SSBP3: variants seen among roughly 807,000 people sequenced by gnomAD.
The protein encoded by SSBP3 is single stranded DNA binding protein 3, also known as single-stranded DNA-binding protein 3.
SSBP3 carries 5 observed loss-of-function variants against 69.6 expected under a neutral mutation model. The observed-to-expected ratio is 0.07, with a 90% CI of 0.04 to 0.15. The LOEUF is 0.15. SSBP3 is among the 10% of genes least tolerant of loss of function. The probability of loss-of-function intolerance (pLI) is 1.00; values close to 1 mark genes in which losing one functional copy is unlikely to be tolerated. For missense variants in SSBP3, 312 were observed against 534.0 expected, an observed-to-expected ratio of 0.58 and a Z score of 4.10; for synonymous variants, 196 against 193.4, an observed-to-expected ratio of 1.01 and a Z score of -0.11.
intron 4 of SSBP3, chr1:54,287,152 C>T (rs1645506048): frequency 6.6e-6 from 1 of 152,226 alleles, no homozygotes; most frequent in Non-Finnish European, 1.5e-5. Context: ...AAAATTAGTT[C>T]TAGGCACAGG....
chr1:54,346,671 C>A (rs1054710538), intron 4 of SSBP3, among the ~76,000 whole-genome samples: 1 of 151,862 alleles, frequency 6.6e-6, no homozygotes, highest in Admixed American at 6.6e-5. Context: ...AAAAATTGGC[C>A]GGGCATGGTC....
exon 13 of SSBP3, chr1:54,240,933 T>C: frequency 1.2e-6 from 2 of 1,611,768 alleles, no homozygotes; most frequent in Non-Finnish European, 8.5e-7. Context: ...TGGGTGTTCC[T>C]GGAGGACCGC....
chr1:54,405,524 G>C (rs1191834445), intron 1 of SSBP3: 1 of 153,384 alleles, frequency 6.5e-6, no homozygotes, highest in African/African-American at 2.4e-5. Flanking sequence ...TCCTCACGCC[G>C]CGGGCGGACA....
At chr1:54,318,796 A>C (rs2100354591) in intron 4 of SSBP3, among the ~76,000 whole-genome samples, 1 of 152,236 alleles carries the variant, frequency 6.6e-6, no homozygotes, top group East Asian at 1.9e-4. Flanking sequence ...AAGATATTCC[A>C]GACTATTATA....
intron 4 of SSBP3, among the ~76,000 whole-genome samples, chr1:54,307,754 C>T (rs1481557834): frequency 6.6e-6 from 1 of 152,190 alleles, no homozygotes; most frequent in Non-Finnish European, 1.5e-5. Context: ...GTCCTCACTG[C>T]TACACTCCCA....
At chr1:54,334,368 A>C (rs187078178) in intron 4 of SSBP3, among the ~76,000 whole-genome samples, 1 of 152,100 alleles carries the variant, frequency 6.6e-6, no homozygotes, top group East Asian at 1.9e-4. Context: ...TAAATAAATA[A>C]ATAAATTTCA....
chr1:54,240,630 A>T (rs1322760331), intron 13 of SSBP3, among the ~76,000 whole-genome samples: 1 of 152,050 alleles, frequency 6.6e-6, no homozygotes, highest in Non-Finnish European at 1.5e-5. Flanking sequence ...CCCACCCTGA[A>T]CAGGGTTCTT....
At chr1:54,308,600 CA>C (rs397862361) in intron 4 of SSBP3, among the ~76,000 whole-genome samples, 22,102 of 100,976 alleles carry the variant, frequency 0.22, 2,176 homozygotes, top group East Asian at 0.39. Flanking sequence ...GACTCCATCT[CA>C]AAAAAAAAAA....
chr1:54,291,117 G>A (rs778808309), intron 4 of SSBP3, among the ~76,000 whole-genome samples: 7 of 152,100 alleles, frequency 4.6e-5, no homozygotes, highest in Admixed American at 1.3e-4. Context: ...TGCCAGGACC[G>A]AGGTGTGCAG....
Position 54,332,795 on chromosome 1 carries a change from G to A in SSBP3, c.277-51268C>T, listed in dbSNP as rs142647463. Among the ~76,000 whole-genome samples, 1,256 of 152,146 alleles carry A rather than the reference G, an allele frequency of 8.3e-3. 24 individuals are homozygous for A. The highest frequency in any genetic ancestry group is 0.029 in the African/African-American group (1,185 of 41,492). ...ACAGCCAAAGCTGCCACTCAACAAG[G>A]GCCCTGAGAGGGCGTCAAGCGCATC... On this transcript the variant is annotated intron_variant, in intron 4 of 17. Transcript: ENST00000610401.
intron 4 of SSBP3, among the ~76,000 whole-genome samples, chr1:54,389,120 A>G (rs1232215114): frequency 6.6e-6 from 1 of 152,112 alleles, no homozygotes; most frequent in East Asian, 1.9e-4. Context: ...TGTTCTACCA[A>G]CCTGGTGTGC....
rs553493845 is a variant in SSBP3, at chr1:54,295,559, C to G, written c.277-14032G>C. The stretch of plus-strand genomic sequence containing the variant: ...GGGCAGGAGCTCCAGCTCTTGGGCT[C>G]CCTGACCAATTCAGAGAGGCAGGCA... On this transcript the variant is annotated intron_variant, in intron 4 of 17. Transcript: ENST00000610401. 1.4e-3 allele frequency among the ~76,000 whole-genome samples: 218 copies of G among 152,290 alleles called. 2 individuals carry two copies. Among genetic ancestry groups the G allele is most frequent in the Non-Finnish European group, 1.7e-3 (115 of 68,024 alleles).
chr1:54,404,505 C>T, intron 3 of SSBP3, 71 bp downstream of exon 3: 4 of 1,582,360 alleles, frequency 2.5e-6, no homozygotes, highest in Non-Finnish European at 3.5e-6. Flanking sequence ...CCAAGCCTCC[C>T]TTCTTTGTTC....
intron 4 of SSBP3, among the ~76,000 whole-genome samples, chr1:54,385,918 C>T (rs777978827): frequency 6.6e-6 from 1 of 152,168 alleles, no homozygotes; most frequent in Admixed American, 6.5e-5. Context: ...TTCCCCAGTA[C>T]CCCATATTCA....
chr1:54,393,478 C>A (rs1648642824), intron 4 of SSBP3, among the ~76,000 whole-genome samples: 1 of 152,038 alleles, frequency 6.6e-6, no homozygotes, highest in South Asian at 2.1e-4. Flanking sequence ...CAGACCAGGC[C>A]GGAGGTGAGG....
chr1:54,300,553 G>A lies in SSBP3; in HGVS notation c.277-19026C>T, dbSNP rs528700165. On this transcript the variant is annotated intron_variant, in intron 4 of 17. Coordinates refer to ENST00000610401, the Ensembl canonical transcript of SSBP3. The stretch of plus-strand genomic sequence containing the variant: ...GCAACACAGAGTACCGCACAGGCCT[G>A]TACTCAGCTCCAGGATCCCAAAGAA... Among the ~76,000 whole-genome samples the A allele has an allele frequency of 1.1e-4, 16 of 152,350 alleles. No individual in the cohort carries two copies. In the South Asian group the frequency reaches 3.1e-3, roughly 30 times the overall value.
intron 5 of SSBP3, among the ~76,000 whole-genome samples, chr1:54,275,074 C>G (rs1392154011): frequency 1.3e-5 from 2 of 152,230 alleles, no homozygotes; most frequent in East Asian, 3.9e-4. Context: ...GCGTGGCACT[C>G]AGTCACTGCC....
At chr1:54,344,319 C>T (rs1395510083) in intron 4 of SSBP3, among the ~76,000 whole-genome samples, 1 of 152,202 alleles carries the variant, frequency 6.6e-6, no homozygotes, top group Non-Finnish European at 1.5e-5. Context: ...AAAGAAGACA[C>T]AAAACCAATC....
Position 54,280,457 on chromosome 1 carries a change from G to A in SSBP3, c.366+981C>T, listed in dbSNP as rs1212532400. Among the ~76,000 whole-genome samples the A allele has an allele frequency of 2.0e-5, 3 of 152,204 alleles. No individual in the cohort carries two copies. In the South Asian group the frequency reaches 6.2e-4, roughly 32 times the overall value. On this transcript the variant is annotated intron_variant, in intron 5 of 17. Transcript: ENST00000610401. Reference sequence around the variant, plus strand: ...TAGTTCTGAATTCTAGGGCTGTACAGAGGAAATTTCTGCCTCCTTTTCCAC... The same window carrying A: ...TAGTTCTGAATTCTAGGGCTGTACAAAGGAAATTTCTGCCTCCTTTTCCAC...
Sources: gnomAD v4.1 joint callset for allele counts (sites outside exome capture counted in the v4.1 genomes callset) on GRCh38, gnomAD v4.1.1 for gene constraint, MANE v1.5 for transcripts, NCBI Gene and HGNC (gene_info 2026-07-23, HGNC 2026-07-21) for gene names.